The following EPS8 variants were observed in gnomAD, a reference collection of about 807,000 sequenced individuals.
EPS8 encodes the protein EGFR pathway substrate 8, signaling adaptor, also known as epidermal growth factor receptor kinase substrate 8.
In EPS8, 42 loss-of-function variants were observed where a neutral mutation model predicts 103.8. The observed-to-expected ratio is 0.40, with a 90% CI of 0.32 to 0.52. The LOEUF (loss-of-function observed/expected upper bound fraction) is 0.52, where lower values mean the gene tolerates loss of function less well. EPS8 is among the 20% of genes least tolerant of loss of function. The pLI is 0.40. For missense variants in EPS8, 969 were observed against 1,005.1 expected (o/e 0.96, Z 0.49); for synonymous variants, 344 against 344.6 (o/e 1.00, Z 0.02).
In EPS8 at chr12:15,654,218, A is replaced by C; in HGVS notation, c.1177T>G (p.Phe393Val). The C allele has an allele frequency of 6.2e-7, 1 of 1,613,674 alleles. No individual in the cohort carries two copies. The highest frequency in any genetic ancestry group is 8.5e-7 in the Non-Finnish European group (1 of 1,179,660). Residue 393 changes from phenylalanine to valine, a missense_variant, in exon 13 of 21, where the codon TTC becomes GTC. Phe to Val is a conservative substitution (Grantham distance 50). Transcript: ENST00000281172. Reference protein sequence around the residue: ...SPLLNKDTIDFLNYTVNGDER... With the variant: ...SPLLNKDTIDVLNYTVNGDER... ...TCACCATTGACAGTATAATTTAAGA[A>C]ATCAATTGTGTCCTTATTCAATAGG...
chr12:15,787,348 T>C lies in EPS8; in HGVS notation c.-22+1813A>G, dbSNP rs1204656592. ...GAAAAGAACTGGTATCTGAAAAGAA[T>C]CAGTATTGATAAAACCTTGAAAGCA... On this transcript the variant is annotated intron_variant, in intron 1 of 20. Transcript: ENST00000281172. This position sits in a 1 kb window ranked among gnomAD's most constrained non-coding sequence, Gnocchi z 4.9. Among the ~76,000 whole-genome samples the C allele has an allele frequency of 6.6e-6, 1 of 152,086 alleles. No individual in the cohort carries two copies.
chr12:15,777,728 G>A lies in EPS8; in HGVS notation c.-22+11433C>T, dbSNP rs1274596083. 2.6e-5 allele frequency among the ~76,000 whole-genome samples: 4 copies of A among 152,184 alleles called. No individual in the cohort carries two copies. The South Asian group carries it at 6.2e-4, about 24-fold the overall frequency. The stretch of plus-strand genomic sequence containing the variant: ...TAAAGCCATCTGAGGATTGAAAAAG[G>A]GTGTCAGAAACGAGCAAAAGGAGGG... On this transcript the variant is annotated intron_variant, in intron 1 of 20. Transcript: ENST00000281172. The surrounding 1 kb of genome is among the most constrained non-coding windows in gnomAD (Gnocchi z 4.7).
At chr12:15,623,397 C>T (rs746147365) in intron 19 of EPS8, 110 bp from the exon 20 acceptor site, 9 of 917,570 alleles carry the variant, frequency 9.8e-6, no homozygotes, top group Non-Finnish European at 1.4e-5. Flanking sequence ...GCGTTCCATA[C>T]CCTGGAACCC....
chr12:15,720,435 G>A (rs890270544), intron 1 of EPS8, among the ~76,000 whole-genome samples: 8 of 152,074 alleles, frequency 5.3e-5, no homozygotes, highest in Non-Finnish European at 1.0e-4. Flanking sequence ...TTACAGATGT[G>A]CCATCATGCC....
At position 15,647,210 on chromosome 12, in the gene EPS8, G is replaced by C; in HGVS notation, c.1485C>G (p.Ser495Arg). The C allele has an allele frequency of 1.9e-6, 3 of 1,613,806 alleles. No individual in the cohort carries two copies. Among genetic ancestry groups the C allele is most frequent in the Non-Finnish European group, 2.5e-6 (3 of 1,179,744 alleles). ...GGTGGGATCCTCTTGTGTAAATGTT[G>C]CTACTGAACGCATAGCCATCGGCTG... ...YHPADGYAFS[S>R]NIYTRGSHLD... The change falls in exon 15 of 21, where the codon AGC becomes AGG. Residue 495 changes from serine to arginine, a missense_variant. By Grantham distance (110) the Ser-to-Arg change is moderately radical (BLOSUM62 -1). Coordinates refer to ENST00000281172, the MANE Select transcript of EPS8 (RefSeq NM_004447.6).
intron 15 of EPS8, among the ~76,000 whole-genome samples, chr12:15,646,502 T>C (rs997658436): frequency 1.3e-5 from 2 of 151,814 alleles, no homozygotes; most frequent in East Asian, 1.9e-4. Flanking sequence ...AAAAACAAGA[T>C]TGGAAATTAA....
chr12:15,677,736 G>T (rs1380914063), intron 3 of EPS8, among the ~76,000 whole-genome samples: 2 of 152,128 alleles, frequency 1.3e-5, no homozygotes, highest in African/African-American at 4.8e-5. Flanking sequence ...TGCAGATGTG[G>T]TTTCTTTCTT....
At chr12:15,658,633 T>C in intron 10 of EPS8, 48 bp from the exon 11 acceptor site, 2 of 1,278,648 alleles carry the variant, frequency 1.6e-6, no homozygotes, top group Non-Finnish European at 2.3e-6. Flanking sequence ...TCCAAGGAAA[T>C]TTATTAAATG....
chr12:15,707,254 T>G (rs1028711127), intron 1 of EPS8, among the ~76,000 whole-genome samples: 11 of 152,230 alleles, frequency 7.2e-5, no homozygotes, highest in African/African-American at 2.7e-4. Context: ...TATTTTAGGC[T>G]TTGTGGGCCA....
At position 15,769,635 on chromosome 12, in the gene EPS8, T is replaced by G. The variant is rs1947132096; in HGVS notation, c.-22+19526A>C. On this transcript the variant is annotated intron_variant, in intron 1 of 20. Coordinates refer to ENST00000281172, the MANE Select transcript of EPS8 (RefSeq NM_004447.6). This position sits in a 1 kb window ranked among gnomAD's most constrained non-coding sequence, Gnocchi z 4.6. ...TTTATGATTTAAAATAATCTCTATA[T>G]AATTATTCTGCACATCACGAGAATA... Among the ~76,000 whole-genome samples, 2 of 152,346 alleles carry G rather than the reference T, an allele frequency of 1.3e-5. No homozygotes were observed. The highest frequency in any genetic ancestry group is 1.3e-4 in the Admixed American group (2 of 15,302).
chr12:15,740,328 T>C (rs931511730), intron 1 of EPS8, among the ~76,000 whole-genome samples: 6 of 151,912 alleles, frequency 3.9e-5, no homozygotes, highest in African/African-American at 9.7e-5. Flanking sequence ...TGGCAGATCA[T>C]GAGGTCAGGA....
Position 15,749,615 on chromosome 12 carries a change from A to T in EPS8, c.-22+39546T>A, listed in dbSNP as rs1220159099. On this transcript the variant is annotated intron_variant, in intron 1 of 20. Transcript: ENST00000281172. This position sits in a 1 kb window ranked among gnomAD's most constrained non-coding sequence, Gnocchi z 4.0. ...AGAGAAGGGACTCAATAAATACTTGATGATGACAATAACCATTATGATAGT... is the reference window on the plus strand; with the variant it reads ...AGAGAAGGGACTCAATAAATACTTGTTGATGACAATAACCATTATGATAGT... 2.0e-5 allele frequency among the ~76,000 whole-genome samples: 3 copies of T among 152,214 alleles called. No individual in the cohort carries two copies. Among genetic ancestry groups the T allele is most frequent in the Non-Finnish European group, 4.4e-5 (3 of 68,038 alleles).
In EPS8 at chr12:15,764,868, G is replaced by C. The variant is rs1401836211; in HGVS notation, c.-22+24293C>G. Among the ~76,000 whole-genome samples, 6 of 152,106 alleles carry C rather than the reference G, an allele frequency of 3.9e-5. No homozygotes were observed. The highest frequency in any genetic ancestry group is 7.4e-5 in the Non-Finnish European group (5 of 68,000). ...AAGTAATTCAATAAAAAAACAAGTA[G>C]TATCTACAACCATTAAAACTAAACA... On this transcript the variant is annotated intron_variant, in intron 1 of 20. Coordinates refer to ENST00000281172, the MANE Select transcript of EPS8 (RefSeq NM_004447.6). The surrounding 1 kb of genome is among the most constrained non-coding windows in gnomAD (Gnocchi z 4.1).
At chr12:15,744,525 C>T (rs949719596) in intron 1 of EPS8, among the ~76,000 whole-genome samples, 1 of 152,210 alleles carries the variant, frequency 6.6e-6, no homozygotes, top group Non-Finnish European at 1.5e-5. Flanking sequence ...TCTCATGACT[C>T]TTTCAAGATT....
At position 15,660,980 on chromosome 12, in the gene EPS8, A is replaced by G. The variant is rs571067622; in HGVS notation, c.811-240T>C. 1.2e-4 allele frequency among the ~76,000 whole-genome samples: 19 copies of G among 152,290 alleles called. No individual in the cohort carries two copies. In the East Asian group the frequency reaches 2.7e-3, roughly 22 times the overall value. On this transcript the variant is annotated intron_variant, in intron 9 of 20. Transcript: ENST00000281172. ...ATGTCATCAAGGAAGCATTCACAAT[A>G]TCTGCTCAGATTATTATTTTCAATT...
At chr12:15,634,275 T>C (rs1168215782) in intron 17 of EPS8, among the ~76,000 whole-genome samples, 3 of 152,214 alleles carry the variant, frequency 2.0e-5, no homozygotes. Flanking sequence ...GTCACTTCCT[T>C]ACTCTTGCCT....
At chr12:15,694,367 C>A (rs1946215155) in intron 1 of EPS8, among the ~76,000 whole-genome samples, 1 of 152,122 alleles carries the variant, frequency 6.6e-6, no homozygotes, top group South Asian at 2.1e-4. Flanking sequence ...ATTATAACAA[C>A]AAATTCTGTT....
intron 1 of EPS8, among the ~76,000 whole-genome samples, chr12:15,723,073 C>T (rs910829110): frequency 3.3e-5 from 5 of 151,712 alleles, no homozygotes; most frequent in Non-Finnish European, 2.9e-5. Flanking sequence ...TCTATAATCC[C>T]AGAACTGTGG....
intron 1 of EPS8, among the ~76,000 whole-genome samples, chr12:15,756,517 G>A (rs549946043): frequency 6.6e-6 from 1 of 152,196 alleles, no homozygotes; most frequent in East Asian, 1.9e-4. Context: ...AGTTACCTTT[G>A]ATCCACTTTT....
Sources: gnomAD v4.1 joint callset for allele counts (sites outside exome capture counted in the v4.1 genomes callset) on GRCh38, gnomAD v4.1.1 for gene constraint, Gnocchi (gnomAD v3.1) non-coding constraint, MANE v1.5 for transcripts, NCBI Gene and HGNC (gene_info 2026-07-23, HGNC 2026-07-21) for gene names.